The following NOP14 variants were observed in gnomAD, a reference collection of about 807,000 sequenced individuals.
NOP14 encodes nucleolar protein 14.
In NOP14, 57 loss-of-function variants were observed where a neutral mutation model predicts 101.6. That is an observed-to-expected ratio of 0.56 (90% CI 0.45 to 0.70). The LOEUF (loss-of-function observed/expected upper bound fraction) is 0.70, where lower values mean the gene tolerates loss of function less well. NOP14 is among the 30% of genes least tolerant of loss of function. The pLI, the probability that NOP14 is intolerant of heterozygous loss-of-function variation, is 0.00. For missense variants in NOP14, 1,134 were observed against 1,075.5 expected, an observed-to-expected ratio of 1.05 and a Z score of -0.76; for synonymous variants, 428 against 424.0, an observed-to-expected ratio of 1.01 and a Z score of -0.12.
rs757753727 is a variant in NOP14 at position 2,938,887 on chromosome 4, G to A, written c.2518C>T (p.Leu840=). ...TTCCATTCGCCTTCCTGTGTAGCCA[G>A]GCTGTTAAAAAGCTGCTTTACTTTC... ...KRKVKQLFNS[L]ATQEGEWKAL... is the part of the protein sequence containing the mutation. The change falls in exon 18 of 18, where the codon CTG becomes TTG. Residue 840 remains leucine (L), a synonymous_variant. Coordinates refer to ENST00000416614, the MANE Select transcript of NOP14 (RefSeq NM_001291978.2). 5.0e-6 allele frequency: 8 copies of A among 1,613,996 alleles called. No homozygotes were observed. The South Asian group carries it at 5.5e-5, about 11-fold the overall frequency.
rs199574576 is a variant in NOP14, at chr4:2,963,184, G to C, written c.136C>G (p.Arg46Gly). Residue 46 changes from arginine to glycine, a missense_variant, in exon 1 of 18, where the codon CGG becomes GGG. Transcript: ENST00000416614. ...AGTCCCACGTCGTGGCGCGTCTTCC[G>C]GCCCAGGATCTGGAACTTCTGCCTG... ...VNRQKFQILG[R>G]KTRHDVGLPG... 129 of 1,580,722 alleles carry C rather than the reference G, an allele frequency of 8.2e-5. No homozygotes were observed. In the Middle Eastern group the frequency reaches 1.2e-3, roughly 14 times the overall value.
chr4:2,949,795 G>T (rs1714890185), intron 8 of NOP14, 139 bp downstream of exon 8: 1 of 883,494 alleles, frequency 1.1e-6, no homozygotes, highest in Non-Finnish European at 1.8e-6. Context: ...CAGACACAGG[G>T]GTGTGTCCAG....
rs1361792691 is a variant in NOP14 at position 2,938,918 on chromosome 4, T to G, written c.2487A>C (p.Arg829Ser). The change falls in exon 18 of 18, where the codon AGA becomes AGC. Residue 829 changes from arginine to serine, a missense_variant. Physicochemically the swap from Arg to Ser is moderately radical, Grantham distance 110. Coordinates refer to ENST00000416614, the MANE Select transcript of NOP14 (RefSeq NM_001291978.2). ...TAAAAAGCTGCTTTACTTTCCGCTT[T>G]CTTTCCGCATCCCTAAAAGAAACAA... ...LSEIMERDAE[R>S]KRKVKQLFNS... The G allele has an allele frequency of 5.0e-6, 8 of 1,614,092 alleles. No homozygotes were observed. The highest frequency in any genetic ancestry group is 1.7e-5 in the Admixed American group (1 of 60,034).
At chr4:2,957,860 C>G (rs1715455090) in intron 1 of NOP14, 120 bp from the exon 2 acceptor site, 1 of 990,368 alleles carries the variant, frequency 1.0e-6, no homozygotes. Context: ...AAGTTCACAC[C>G]CAATCTGCTT....
Position 2,951,182 on chromosome 4 carries a change from T to C in NOP14, c.934A>G (p.Met312Val), listed in dbSNP as rs762048593. The part of the protein sequence containing the change: ...EDENVKKPKH[M>V]SADDLNDGFV... The stretch of plus-strand genomic sequence containing the variant: ...CCATCATTCAGATCATCTGCTGACA[T>C]ATGTTTTGGTTTCTTAACATTTTCA... The change falls in exon 7 of 18, where the codon ATG becomes GTG. Residue 312 changes from methionine (M) to valine (V), a missense_variant. Met to Val is a conservative substitution (Grantham distance 21). Transcript: ENST00000416614. 4 of 1,613,692 alleles carry C rather than the reference T, an allele frequency of 2.5e-6. No individual in the cohort carries two copies. The highest frequency in any genetic ancestry group is 2.2e-5 in the South Asian group (2 of 91,082).
rs769797490 is a variant in NOP14, at chr4:2,949,964, T to C, written c.1252A>G (p.Thr418Ala). 2.7e-5 allele frequency: 44 copies of C among 1,614,056 alleles called. No homozygotes were observed. Among genetic ancestry groups the C allele is most frequent in the Non-Finnish European group, 3.4e-5 (40 of 1,180,050 alleles). Residue 418 changes from threonine to alanine, a missense_variant, in exon 8 of 18, where the codon ACC becomes GCC. By Grantham distance (58) the Thr-to-Ala change is moderately conservative (BLOSUM62 0). Transcript: ENST00000416614. ...AACGTGTAGGGCAGCTCGTCTCTGG[T>C]AGCTTTTCCAGCTCTTTCCTTGCCG... The part of the protein sequence containing the change: ...ISGKERAGKA[T>A]RDELPYTFAA...
chr4:2,949,940 A>G lies in NOP14; in HGVS notation c.1276T>C (p.Phe426Leu), dbSNP rs759085022. 1.9e-6 allele frequency: 3 copies of G among 1,613,960 alleles called. No individual in the cohort carries two copies. In the African/African-American group the frequency reaches 4.0e-5, roughly 22 times the overall value. ...KATRDELPYT[F>L]AAPESYEELR... ...AACCCGCGCACTTGCCCACCTGCGAACGTGTAGGGCAGCTCGTCTCTGGTA... is the reference window on the plus strand; with the variant it reads ...AACCCGCGCACTTGCCCACCTGCGAGCGTGTAGGGCAGCTCGTCTCTGGTA... The change falls in exon 8 of 18, where the codon TTC (phenylalanine) becomes CTC (leucine). Residue 426 changes from phenylalanine to leucine, a missense_variant. Transcript: ENST00000416614.
chr4:2,958,704 G>A (rs1350396817), intron 1 of NOP14, among the ~76,000 whole-genome samples: 1 of 152,196 alleles, frequency 6.6e-6, no homozygotes, highest in Admixed American at 6.5e-5. Flanking sequence ...GAAAGAATGC[G>A]TGCGTGTGGC....
intron 6 of NOP14, 143 bp from the exon 7 acceptor site, chr4:2,951,388 C>T: frequency 3.1e-6 from 2 of 645,608 alleles, no homozygotes. Context: ...TTTCTGCCTG[C>T]AGTTTTCAAT....
rs1036132785 is a variant in NOP14 at position 2,938,669 on chromosome 4, C to T, written c.*162G>A. 3 of 612,462 alleles carry T rather than the reference C, an allele frequency of 4.9e-6. No individual in the cohort carries two copies. Among genetic ancestry groups the T allele is most frequent in the Non-Finnish European group, 8.5e-6 (3 of 351,170 alleles). 37.9% of individuals were successfully genotyped at this position (612,462 alleles called of 1,614,324 possible). A position where few individuals can be genotyped will look rare whatever the true frequency, so the allele number is the denominator to read the frequency against. On this transcript the variant is annotated 3_prime_UTR_variant, in exon 18 of 18. Coordinates refer to ENST00000416614, the MANE Select transcript of NOP14 (RefSeq NM_001291978.2). ...TACAGGTGCGTGCCACCACACTTGG[C>T]TAATTTTTATGTTTTTTTGGTAGAG...
At position 2,942,280 on chromosome 4, in the gene NOP14, C is replaced by T. The variant is rs925740421; in HGVS notation, c.1963G>A (p.Asp655Asn). 15 of 1,614,054 alleles carry T rather than the reference C, an allele frequency of 9.3e-6. No homozygotes were observed. Among genetic ancestry groups the T allele is most frequent in the African/African-American group, 5.3e-5 (4 of 74,922 alleles). Residue 655 changes from aspartate (D) to asparagine (N), a missense_variant, in exon 14 of 18, where the codon GAT (aspartate) becomes AAT (asparagine). Physicochemically the swap from Asp to Asn is conservative, Grantham distance 23. Coordinates refer to ENST00000416614, the MANE Select transcript of NOP14 (RefSeq NM_001291978.2). Reference sequence around the variant, plus strand: ...CTGCTCTGCTGCCACGTGGCCACATCCTCTCTAGCAGACACCACGAGCAGT... The same window carrying T: ...CTGCTCTGCTGCCACGTGGCCACATTCTCTCTAGCAGACACCACGAGCAGT... The part of the protein sequence containing the change: ...SELLVVSARE[D>N]VATWQQSSLS...
chr4:2,948,360 A>G lies in NOP14; in HGVS notation c.1331T>C (p.Met444Thr), dbSNP rs142817070. Residue 444 changes from methionine to threonine, a missense_variant, in exon 9 of 18, where the codon ATG (methionine) becomes ACG (threonine). Met to Thr is a moderately conservative substitution (Grantham distance 81, BLOSUM62 -1). Coordinates refer to ENST00000416614, the MANE Select transcript of NOP14 (RefSeq NM_001291978.2). ...ELRSLLLGRS[M>T]EEQLLVVERI... ...CTCCACCACCAAAAGCTGCTCTTCC[A>G]TCGATCTTCCTAACAACAGAGATCT... 3.6e-4 allele frequency: 573 copies of G among 1,612,890 alleles called. No homozygotes were observed. The highest frequency in any genetic ancestry group is 4.3e-4 in the Non-Finnish European group (513 of 1,179,740).
At chr4:2,948,154 T>TGAC (rs1376115247) in intron 9 of NOP14, 124 bp downstream of exon 9, 27 of 1,216,264 alleles carry the variant, frequency 2.2e-5, no homozygotes, top group Non-Finnish European at 2.7e-5. Flanking sequence ...GGTAACCATG[T>TGAC]GACGGGCTGG....
intron 17 of NOP14, 117 bp from the exon 18 acceptor site, chr4:2,939,047 G>A: frequency 6.8e-7 from 1 of 1,479,824 alleles, no homozygotes; most frequent in South Asian, 1.2e-5. Flanking sequence ...GTTCAAACAG[G>A]GGGAAGTGAA....
At chr4:2,962,575 G>C (rs1269218731) in intron 1 of NOP14, among the ~76,000 whole-genome samples, 2 of 151,978 alleles carry the variant, frequency 1.3e-5, no homozygotes, top group African/African-American at 4.8e-5. Flanking sequence ...GCCCTTACCA[G>C]GTGCGTGACC....
intron 1 of NOP14, among the ~76,000 whole-genome samples, chr4:2,960,660 T>C (rs554790253): frequency 4.3e-4 from 63 of 145,478 alleles, no homozygotes; most frequent in Non-Finnish European, 8.2e-4. Flanking sequence ...AGTTACTATA[T>C]ATTATTATAT....
chr4:2,947,444 G>A, intron 10 of NOP14, 82 bp downstream of exon 10: 1 of 981,270 alleles, frequency 1.0e-6, no homozygotes, highest in South Asian at 1.4e-5. Context: ...AGTAACTCTG[G>A]AATGTATTTT....
intron 8 of NOP14, 49 bp downstream of exon 8, chr4:2,949,885 G>A: frequency 6.2e-7 from 1 of 1,606,886 alleles, no homozygotes; most frequent in Non-Finnish European, 8.5e-7. Context: ...GCTATGGCCA[G>A]GTCATAAAGG....
chr4:2,939,052 A>G (rs781014784), intron 17 of NOP14, 122 bp from the exon 18 acceptor site: 2 of 1,489,418 alleles, frequency 1.3e-6, no homozygotes, highest in Non-Finnish European at 9.3e-7. Context: ...AACAGGGGGA[A>G]GTGAACCTGC....
Sources: allele counts gnomAD v4.1 joint callset (sites outside exome capture counted in the v4.1 genomes callset), GRCh38; gene constraint gnomAD v4.1.1; transcripts MANE v1.5; gene names NCBI Gene and HGNC (gene_info 2026-07-23, HGNC 2026-07-21).